The following HTT variants were observed in gnomAD, a reference collection of about 807,000 sequenced individuals.
The protein encoded by HTT is huntingtin.
In HTT, 104 loss-of-function variants were observed where a neutral mutation model predicts 362.3. The observed-to-expected ratio is 0.29, with a 90% CI of 0.24 to 0.34. The LOEUF (loss-of-function observed/expected upper bound fraction) is 0.34, where lower values mean the gene tolerates loss of function less well. Ranked by LOEUF, HTT falls within the 10% of genes least tolerant of loss-of-function variation. The pLI, the probability that HTT is intolerant of heterozygous loss-of-function variation, is 1.00. For missense variants in HTT, 3,301 were observed against 3,928.6 expected (o/e 0.84, Z 4.27); for synonymous variants, 1,577 against 1,548.7 (o/e 1.02, Z -0.43).
At position 3,154,442 on chromosome 4, in the gene HTT, G is replaced by A. The variant is rs530092857; in HGVS notation, c.3625+23G>A. 6.5e-4 allele frequency: 1,045 copies of A among 1,611,138 alleles called. 10 individuals carry two copies. In the South Asian group the frequency reaches 0.011, roughly 17 times the overall value. ...CAGGTAGGAAACAGCGTGGGGAAGG[G>A]AGGGACATGAGTGCAGCATCTGTCA... On this transcript the variant is annotated intron_variant, in intron 27 of 66. Transcript: ENST00000355072.
chr4:3,108,291 A>G (rs1238694367), intron 6 of HTT, among the ~76,000 whole-genome samples: 1 of 152,210 alleles, frequency 6.6e-6, no homozygotes, highest in African/African-American at 2.4e-5. Context: ...TGAGCTTCGA[A>G]GTTTTCTTGT....
intron 2 of HTT, among the ~76,000 whole-genome samples, chr4:3,095,839 A>G (rs1156897729): frequency 6.6e-6 from 1 of 152,250 alleles, no homozygotes; most frequent in East Asian, 1.9e-4. Flanking sequence ...AGCCAGAAAT[A>G]GGGGAAGAGG....
At chr4:3,172,791 G>A (rs912259914) in intron 30 of HTT, 117 bp from the exon 31 acceptor site, 5 of 752,514 alleles carry the variant, frequency 6.6e-6, no homozygotes, top group South Asian at 3.2e-5. Flanking sequence ...AGAATTTCAC[G>A]CTGTGAGTCT....
intron 36 of HTT, among the ~76,000 whole-genome samples, chr4:3,181,328 C>A (rs950394647): frequency 3.9e-5 from 6 of 152,118 alleles, no homozygotes; most frequent in Non-Finnish European, 7.4e-5. Flanking sequence ...ATGGTAGAAA[C>A]CTTAAAATGA....
Position 3,242,936 on chromosome 4 carries a change from A to G in HTT, c.*2877A>G, listed in dbSNP as rs1721876190. The G allele has an allele frequency of 6.6e-6, 1 of 152,092 alleles. No individual in the cohort carries two copies. The highest frequency in any genetic ancestry group is 6.6e-5 in the Admixed American group (1 of 15,262). The allele number at this position is 152,092 out of a possible 1,614,324, so 9.4% of individuals were successfully genotyped here. ...GTGCTCTTTGTTACTGTCCACCCTC[A>G]TTTCTGCCAGCGCATGTGTCCTTTC... On this transcript the variant is annotated 3_prime_UTR_variant, in exon 67 of 67. Coordinates refer to ENST00000355072, the MANE Select transcript of HTT (RefSeq NM_001388492.1).
chr4:3,240,144 C>A lies in HTT; in HGVS notation c.*85C>A. 8.5e-7 allele frequency: 1 copy of A among 1,180,196 alleles called. No individual in the cohort carries two copies. The allele number at this position is 1,180,196 out of a possible 1,614,324, so 73.1% of individuals were successfully genotyped here. A position where few individuals can be genotyped will look rare whatever the true frequency, so the allele number is the denominator to read the frequency against. The stretch of plus-strand genomic sequence containing the variant: ...GCCCTTGTGCCCTGCCTCCACCGAG[C>A]CAGCTTGGTCCCTATGGGCTTCCGC... On this transcript the variant is annotated 3_prime_UTR_variant, in exon 67 of 67. Transcript: ENST00000355072.
intron 60 of HTT, among the ~76,000 whole-genome samples, chr4:3,231,500 G>A (rs1721248463): frequency 6.6e-6 from 1 of 152,216 alleles, no homozygotes; most frequent in Non-Finnish European, 1.5e-5. Context: ...AGGTTGAGGT[G>A]AGCACATGTC....
At chr4:3,148,301 C>G (rs1274607773) in intron 26 of HTT, 94 bp downstream of exon 26, 2 of 964,910 alleles carry the variant, frequency 2.1e-6, no homozygotes, top group Admixed American at 2.9e-5. Flanking sequence ...TCTTTATTCT[C>G]TTTTTGCTTT....
At chr4:3,169,798 T>G (rs1195919805) in intron 29 of HTT, among the ~76,000 whole-genome samples, 2 of 152,236 alleles carry the variant, frequency 1.3e-5, no homozygotes, top group African/African-American at 4.8e-5. Context: ...GGCCTTGAAC[T>G]CCTGACCTCA....
chr4:3,149,555 G>A (rs1395271468), intron 26 of HTT, among the ~76,000 whole-genome samples: 3 of 151,528 alleles, frequency 2.0e-5, no homozygotes, highest in Non-Finnish European at 2.9e-5. Flanking sequence ...TGATCTATCC[G>A]CTTCGGCCTC....
At chr4:3,080,816 C>G (rs1456603828) in intron 1 of HTT, among the ~76,000 whole-genome samples, 1 of 152,176 alleles carries the variant, frequency 6.6e-6, no homozygotes, top group Non-Finnish European at 1.5e-5. Flanking sequence ...TGTGGTTATT[C>G]AGTTGTCCCA....
Position 3,200,585 on chromosome 4 carries a change from G to A in HTT, c.5576+646G>A, listed in dbSNP as rs116167712. ...ATTTCTGGAAGGCTCAAGATCCCAC[G>A]CTGGGGAAAAGAAGTTCTGGAGACA... is the stretch of plus-strand genomic sequence containing the variant. On this transcript the variant is annotated intron_variant, in intron 41 of 66. Coordinates refer to ENST00000355072, the MANE Select transcript of HTT (RefSeq NM_001388492.1). Among the ~76,000 whole-genome samples, 1,014 of 152,246 alleles carry A rather than the reference G, an allele frequency of 6.7e-3. 13 individuals are homozygous for A. Among genetic ancestry groups the A allele is most frequent in the African/African-American group, 0.022 (930 of 41,556 alleles).
chr4:3,229,016 G>A lies in HTT; in HGVS notation c.8109+7G>A, dbSNP rs1403306331. On this transcript the variant is annotated splice_region_variant and intron_variant, in intron 59 of 66. Coordinates refer to ENST00000355072, the MANE Select transcript of HTT (RefSeq NM_001388492.1). ...CAGTGAGGTGGTCAGATCCGTAAGT[G>A]AGCCTTCCCATTCCCCTCACACCTG... The A allele has an allele frequency of 6.2e-7, 1 of 1,609,902 alleles. No individual in the cohort carries two copies. The highest frequency in any genetic ancestry group is 2.2e-5 in the East Asian group (1 of 44,778).
chr4:3,220,574 T>C (rs1345633862), intron 53 of HTT, among the ~76,000 whole-genome samples: 2 of 152,210 alleles, frequency 1.3e-5, no homozygotes, highest in African/African-American at 4.8e-5. Context: ...TCATGTGTAG[T>C]GGACAACGTG....
rs538446656 is a variant in HTT, at chr4:3,097,641, A to G, written c.348-1633A>G. On this transcript the variant is annotated intron_variant, in intron 2 of 66. Transcript: ENST00000355072. ...AGCAAGACTCCATCTCAAAACAAAT[A>G]AATAAATAAAAAGGACTATATGGTA... Among the ~76,000 whole-genome samples, 85 of 152,270 alleles carry G rather than the reference A, an allele frequency of 5.6e-4. No individual in the cohort carries two copies. In the Middle Eastern group the frequency reaches 0.014, roughly 24 times the overall value.
chr4:3,140,176 A>G (rs1375837827), intron 21 of HTT, among the ~76,000 whole-genome samples: 7 of 151,478 alleles, frequency 4.6e-5, no homozygotes, highest in African/African-American at 7.3e-5. Context: ...CAGGAGAATC[A>G]CTTGAACCTG....
At chr4:3,143,305 C>T (rs1223902309) in intron 23 of HTT, among the ~76,000 whole-genome samples, 13 of 151,540 alleles carry the variant, frequency 8.6e-5, no homozygotes, top group Admixed American at 1.3e-4. Context: ...GGCGTGGTGG[C>T]GGGCGCCTGT....
intron 45 of HTT, 106 bp downstream of exon 45, chr4:3,207,463 A>C: frequency 1.1e-6 from 1 of 934,624 alleles, no homozygotes; most frequent in Non-Finnish European, 1.7e-6. Context: ...GATGTGCCTT[A>C]TAGGTGGGTT....
At chr4:3,178,621 A>G (rs998537817) in intron 35 of HTT, among the ~76,000 whole-genome samples, 175 bp downstream of exon 35, 1 of 152,224 alleles carries the variant, frequency 6.6e-6, no homozygotes, top group African/African-American at 2.4e-5. Flanking sequence ...AGAAGAGAGC[A>G]TATTCTTTAC....
Sources: gnomAD v4.1 joint callset for allele counts (sites outside exome capture counted in the v4.1 genomes callset) on GRCh38, gnomAD v4.1.1 for gene constraint, MANE v1.5 for transcripts, NCBI Gene and HGNC (gene_info 2026-07-23, HGNC 2026-07-21) for gene names.